Variants in ARHGAP5 observed in about 807,000 individuals in gnomAD.
The protein encoded by ARHGAP5 is Rho GTPase activating protein 5.
ARHGAP5 carries 23 observed loss-of-function variants against 116.6 expected under a neutral mutation model. That is an observed-to-expected ratio of 0.20 (90% confidence interval 0.14 to 0.28). The LOEUF is 0.28. Ranked by LOEUF, ARHGAP5 falls within the 10% of genes least tolerant of loss-of-function variation. The pLI is 1.00. For synonymous variants in ARHGAP5, 574 were observed against 602.0 expected (o/e 0.95, Z 0.68); for missense variants, 1,405 against 1,774.8 (o/e 0.79, Z 3.74).
At chr14:32,133,824 G>T (rs966635465) in intron 3 of ARHGAP5, among the ~76,000 whole-genome samples, 39 of 152,106 alleles carry the variant, frequency 2.6e-4, no homozygotes, top group Non-Finnish European at 3.2e-4. Flanking sequence ...GGCCTTTTCT[G>T]CATCTATTGA....
intron 2 of ARHGAP5, among the ~76,000 whole-genome samples, chr14:32,101,688 A>G (rs1594354856): frequency 1.3e-5 from 2 of 151,684 alleles, no homozygotes; most frequent in Admixed American, 6.6e-5. Flanking sequence ...AAAGCTTACT[A>G]TATAGAAAGA....
intron 6 of ARHGAP5, among the ~76,000 whole-genome samples, chr14:32,153,219 A>G (rs1264636898): frequency 1.3e-5 from 2 of 149,796 alleles, no homozygotes; most frequent in Non-Finnish European, 3.0e-5. Context: ...AATACCATGG[A>G]AACATGGTGA....
Position 32,091,308 on chromosome 14 carries a change from G to A in ARHGAP5, c.639G>A (p.Gln213=). ...TGGATCATTATCTTAGAGAAGTTCA[G>A]GCATTTGCTTCAAATAAAAAGAACC... ...ECVDHYLREV[Q]AFASNKKNLL... Residue 213 remains glutamine (Q), a synonymous_variant, in exon 2 of 7, where the codon CAG becomes CAA. Coordinates refer to ENST00000345122, the MANE Select transcript of ARHGAP5 (RefSeq NM_001030055.2). 1 of 1,613,516 alleles carries A rather than the reference G, an allele frequency of 6.2e-7. No homozygotes were observed. Among genetic ancestry groups the A allele is most frequent in the Non-Finnish European group, 8.5e-7 (1 of 1,179,638 alleles).
intron 3 of ARHGAP5, among the ~76,000 whole-genome samples, chr14:32,129,319 A>G (rs970434731): frequency 6.6e-6 from 1 of 152,112 alleles, no homozygotes; most frequent in African/African-American, 2.4e-5. Context: ...ACCAAATTCC[A>G]GATAGCTGAG....
At chr14:32,109,226 A>G (rs1879167649) in intron 2 of ARHGAP5, among the ~76,000 whole-genome samples, 1 of 151,990 alleles carries the variant, frequency 6.6e-6, no homozygotes, top group Admixed American at 6.6e-5. Flanking sequence ...ATCCTGTTAC[A>G]TTTATATTTA....
intron 1 of ARHGAP5, among the ~76,000 whole-genome samples, chr14:32,085,848 A>T (rs1226112333): frequency 1.3e-5 from 2 of 152,140 alleles, no homozygotes; most frequent in South Asian, 2.1e-4. Context: ...TTGAAAAAAA[A>T]TTTTTTTAAG....
chr14:32,154,817 A>T lies in ARHGAP5; in HGVS notation c.4378A>T (p.Ile1460Phe). Residue 1460 changes from isoleucine (I) to phenylalanine (F), a missense_variant, in exon 7 of 7, where the codon ATT becomes TTT. Physicochemically the swap from Ile to Phe is conservative, Grantham distance 21. Coordinates refer to ENST00000345122, the MANE Select transcript of ARHGAP5 (RefSeq NM_001030055.2). ...TGGAGAAATTGTAGAAACGACAAACATTGTGGCTCCTCCACCACCTTCAAA... is the reference window on the plus strand; with the variant it reads ...TGGAGAAATTGTAGAAACGACAAACTTTGTGGCTCCTCCACCACCTTCAAA... ...YNGEIVETTN[I>F]VAPPPPSNPG... is the part of the protein sequence containing the mutation. The T allele has an allele frequency of 6.2e-7, 1 of 1,614,168 alleles. No individual in the cohort carries two copies. Among genetic ancestry groups the T allele is most frequent in the Non-Finnish European group, 8.5e-7 (1 of 1,180,012 alleles).
At chr14:32,128,415 A>G (rs1285806606) in intron 3 of ARHGAP5, among the ~76,000 whole-genome samples, 2 of 152,364 alleles carry the variant, frequency 1.3e-5, no homozygotes, top group African/African-American at 4.8e-5. Flanking sequence ...TCATCCTCAC[A>G]CCAACTTGCA....
intron 2 of ARHGAP5, among the ~76,000 whole-genome samples, chr14:32,114,097 A>G (rs1879438437): frequency 1.3e-5 from 2 of 152,098 alleles, no homozygotes; most frequent in Admixed American, 1.3e-4. Context: ...GCGTGATGGC[A>G]CACGCCTGTA....
chr14:32,117,357 A>G (rs1326002511), intron 3 of ARHGAP5, 70 bp downstream of exon 3: 4 of 1,373,092 alleles, frequency 2.9e-6, no homozygotes, highest in East Asian at 2.3e-5. Flanking sequence ...CAGTTTGTCA[A>G]ATGTTTGTGA....
In ARHGAP5 at chr14:32,093,559, G is replaced by A; in HGVS notation, c.2890G>A (p.Val964Ile). The part of the protein sequence containing the change: ...TRESTHQSED[V>I]FLPSPRDCFP... The stretch of plus-strand genomic sequence containing the variant: ...GGAATCAACCCATCAAAGTGAAGAT[G>A]TTTTTCTACCATCTCCCAGAGACTG... Residue 964 changes from valine (V) to isoleucine (I), a missense_variant, in exon 2 of 7, where the codon GTT becomes ATT. Physicochemically the swap from Val to Ile is conservative, Grantham distance 29. Around this residue, in one of 6 missense-constraint regions of ARHGAP5, gnomAD observed 944 missense variants for 1,095.3 expected, o/e 0.86. Coordinates refer to ENST00000345122, the MANE Select transcript of ARHGAP5 (RefSeq NM_001030055.2). The A allele has an allele frequency of 3.7e-6, 6 of 1,613,910 alleles. No individual in the cohort carries two copies. The highest frequency in any genetic ancestry group is 5.1e-6 in the Non-Finnish European group (6 of 1,179,918).
intron 1 of ARHGAP5, 26 bp downstream of exon 1, chr14:32,077,461 C>T (rs774281132): frequency 1.4e-6 from 1 of 693,438 alleles, no homozygotes; most frequent in South Asian, 1.5e-5. Flanking sequence ...CCCCGCTCCT[C>T]CAAGCCTGCC....
intron 3 of ARHGAP5, among the ~76,000 whole-genome samples, chr14:32,138,795 T>C (rs1217899160): frequency 6.6e-6 from 1 of 152,216 alleles, no homozygotes; most frequent in Non-Finnish European, 1.5e-5. Context: ...ACTGATTCTT[T>C]CACCATATTT....
At chr14:32,109,941 T>C (rs930011751) in intron 2 of ARHGAP5, among the ~76,000 whole-genome samples, 3 of 152,140 alleles carry the variant, frequency 2.0e-5, no homozygotes, top group Non-Finnish European at 4.4e-5. Flanking sequence ...CTGGATGCTT[T>C]TAAGATTCTT....
At chr14:32,106,184 C>T (rs555225949) in intron 2 of ARHGAP5, among the ~76,000 whole-genome samples, 5 of 152,214 alleles carry the variant, frequency 3.3e-5, no homozygotes, top group African/African-American at 1.2e-4. Context: ...TGCAGTGGCG[C>T]GATCTCAGCT....
chr14:32,129,386 G>A (rs564364951), intron 3 of ARHGAP5, among the ~76,000 whole-genome samples: 12 of 152,126 alleles, frequency 7.9e-5, no homozygotes, highest in African/African-American at 2.2e-4. Flanking sequence ...AATCTGGAAC[G>A]CCCCACTATG....
At chr14:32,131,353 G>A (rs1281724641) in intron 3 of ARHGAP5, among the ~76,000 whole-genome samples, 1 of 139,636 alleles carries the variant, frequency 7.2e-6, no homozygotes, top group Admixed American at 7.4e-5. Flanking sequence ...ATTTATAATT[G>A]TATTAAAAGA....
Position 32,092,717 on chromosome 14 carries a change from C to T in ARHGAP5, c.2048C>T (p.Ser683Phe), listed in dbSNP as rs141134108. 860 of 1,613,554 alleles carry T rather than the reference C, an allele frequency of 5.3e-4. 5 individuals are homozygous for T. The Middle Eastern group carries it at 0.011, about 21-fold the overall frequency. The change falls in exon 2 of 7, where the codon TCT becomes TTT. Residue 683 changes from serine (S) to phenylalanine (F), a missense_variant. Ser to Phe is a radical substitution (Grantham distance 155, BLOSUM62 -2). Coordinates refer to ENST00000345122, the MANE Select transcript of ARHGAP5 (RefSeq NM_001030055.2). This position sits in a 1 kb window ranked among gnomAD's most constrained non-coding sequence, Gnocchi z 4.1. The stretch of plus-strand genomic sequence containing the variant: ...ATTGGGAAAATAAGAACTGAAGCTT[C>T]TCAGATCAGAAAAGATAAATACATG... ...EFIGKIRTEASQIRKDKYMAN... is the reference protein window; with the variant it reads ...EFIGKIRTEAFQIRKDKYMAN...
At chr14:32,109,047 G>A (rs905887318) in intron 2 of ARHGAP5, among the ~76,000 whole-genome samples, 1 of 152,066 alleles carries the variant, frequency 6.6e-6, no homozygotes, top group Non-Finnish European at 1.5e-5. Flanking sequence ...TGTCAAGTGA[G>A]TTTGCTTGTA....
Sources: gnomAD v4.1 joint callset for allele counts (sites outside exome capture counted in the v4.1 genomes callset) on GRCh38, gnomAD v4.1.1 for gene constraint, gnomAD v4.1.1 regional missense constraint, Gnocchi (gnomAD v3.1) non-coding constraint, MANE v1.5 for transcripts, NCBI Gene and HGNC (gene_info 2026-07-23, HGNC 2026-07-21) for gene names.